TENM4: variants seen among roughly 807,000 people sequenced by gnomAD.
TENM4 encodes teneurin transmembrane protein 4, also known as teneurin-4.
A neutral mutation model predicts 243.3 loss-of-function variants in TENM4; 82 were observed. That is an observed-to-expected ratio of 0.34 (90% CI 0.28 to 0.40). The LOEUF is 0.40. Ranked by LOEUF, TENM4 falls within the 10% of genes least tolerant of loss-of-function variation. TENM4 has a pLI of 1.00. For missense variants in TENM4, 3,138 were observed against 3,673.3 expected (o/e 0.85, Z 3.77); for synonymous variants, 1,412 against 1,456.3 (o/e 0.97, Z 0.69).
chr11:78,871,261 G>A (rs766758488), intron 9 of TENM4, among the ~76,000 whole-genome samples: 1 of 152,212 alleles, frequency 6.6e-6, no homozygotes, highest in Non-Finnish European at 1.5e-5. Context: ...AGCTTTGAGA[G>A]TTGTGGAGAT....
chr11:79,347,590 G>A (rs1857346114), intron 1 of TENM4, among the ~76,000 whole-genome samples: 1 of 151,998 alleles, frequency 6.6e-6, no homozygotes, highest in Non-Finnish European at 1.5e-5. Context: ...GTAGGGCCCC[G>A]CAGACAGCCA....
At chr11:79,057,746 C>G (rs1403155514) in intron 6 of TENM4, among the ~76,000 whole-genome samples, 1 of 152,186 alleles carries the variant, frequency 6.6e-6, no homozygotes, top group Admixed American at 6.5e-5. Flanking sequence ...TGTGGAATGA[C>G]AGACAATCCA....
chr11:79,413,413 T>C (rs1054161153), intron 1 of TENM4, among the ~76,000 whole-genome samples: 2 of 152,210 alleles, frequency 1.3e-5, no homozygotes, highest in African/African-American at 4.8e-5. Flanking sequence ...AGCTCTGCCT[T>C]TCCCTTTCCC....
At chr11:78,687,597 A>C (rs992064754) in intron 29 of TENM4, among the ~76,000 whole-genome samples, 6 of 152,216 alleles carry the variant, frequency 3.9e-5, no homozygotes, top group Non-Finnish European at 7.3e-5. Context: ...GATTTGACAA[A>C]TGCAAAGAAG....
At chr11:78,868,137 T>C (rs2725808) in intron 9 of TENM4, among the ~76,000 whole-genome samples, 145,368 of 151,028 alleles carry the variant, frequency 0.96, 70,111 homozygotes, top group Middle Eastern at 1. Flanking sequence ...AAGGATAGAC[T>C]GGGCCACTGA....
chr11:79,340,914 G>A (rs561152303), intron 1 of TENM4, among the ~76,000 whole-genome samples: 14 of 152,316 alleles, frequency 9.2e-5, no homozygotes, highest in African/African-American at 3.4e-4. Context: ...AAAAGGGACT[G>A]TGCAGAGGTG....
chr11:79,211,719 T>C (rs1565251947), intron 3 of TENM4, among the ~76,000 whole-genome samples: 1 of 152,252 alleles, frequency 6.6e-6, no homozygotes, highest in Non-Finnish European at 1.5e-5. Context: ...AAATAAGTGA[T>C]AAATGACAAT....
At chr11:78,891,864 G>GA (rs559230200) in intron 7 of TENM4, among the ~76,000 whole-genome samples, 2 of 149,968 alleles carry the variant, frequency 1.3e-5, no homozygotes, top group Admixed American at 6.6e-5. Flanking sequence ...CTAGTCCAAA[G>GA]AAAAAAAAAA....
intron 4 of TENM4, among the ~76,000 whole-genome samples, chr11:79,144,312 C>A (rs561702365): frequency 8.6e-5 from 13 of 151,726 alleles, no homozygotes; most frequent in Admixed American, 2.0e-4. Flanking sequence ...TGAATGCTGG[C>A]GAGGAGGTGG....
chr11:79,336,985 C>A (rs1483076090), intron 1 of TENM4, among the ~76,000 whole-genome samples: 5 of 152,204 alleles, frequency 3.3e-5, no homozygotes, highest in Admixed American at 2.6e-4. Flanking sequence ...ACATTCAAGG[C>A]ACAGTCTCCC....
intron 29 of TENM4, among the ~76,000 whole-genome samples, chr11:78,681,906 C>T (rs1270000202): frequency 6.6e-5 from 2 of 30,238 alleles, no homozygotes; most frequent in African/African-American, 2.3e-4. Flanking sequence ...GATTTTGCAG[C>T]GGCTGGTACC....
At chr11:78,795,344 C>T (rs1857140106) in intron 15 of TENM4, among the ~76,000 whole-genome samples, 1 of 152,170 alleles carries the variant, frequency 6.6e-6, no homozygotes, top group Admixed American at 6.5e-5. Context: ...TTGCCAGATT[C>T]CAGTGGTACA....
At chr11:79,272,589 G>A (rs1297126878) in intron 2 of TENM4, among the ~76,000 whole-genome samples, 2 of 152,096 alleles carry the variant, frequency 1.3e-5, no homozygotes, top group African/African-American at 4.8e-5. Context: ...ACATGTGGCT[G>A]TTGGCTACCA....
At chr11:78,928,279 T>C (rs1565130042) in intron 6 of TENM4, among the ~76,000 whole-genome samples, 1 of 152,174 alleles carries the variant, frequency 6.6e-6, no homozygotes. Context: ...CCTACCCAGC[T>C]TGCTGGAAAG....
chr11:79,183,405 G>T (rs538060345), intron 3 of TENM4, among the ~76,000 whole-genome samples: 7 of 152,142 alleles, frequency 4.6e-5, no homozygotes, highest in South Asian at 2.1e-4. Flanking sequence ...AGGGAGGAAG[G>T]ATGAATAGGC....
Position 78,701,449 on chromosome 11 carries a change from T to C in TENM4, c.5087+77A>G, listed in dbSNP as rs61147769. 2,736 of 1,450,952 alleles carry C rather than the reference T, an allele frequency of 1.9e-3. 26 individuals carry two copies. The African/African-American group carries it at 0.031, about 16-fold the overall frequency. 89.9% of individuals were successfully genotyped at this position (1,450,952 alleles called of 1,614,324 possible). ...TCCCAAATCCTGAATTAAAATAAAATACTCGATCAATTTACCTCCAATCCT... is the reference window on the plus strand; with the variant it reads ...TCCCAAATCCTGAATTAAAATAAAACACTCGATCAATTTACCTCCAATCCT... On this transcript the variant is annotated intron_variant, in intron 28 of 33. Transcript: ENST00000278550.
chr11:79,016,416 G>A (rs1032026633), intron 6 of TENM4, among the ~76,000 whole-genome samples: 8 of 152,158 alleles, frequency 5.3e-5, no homozygotes, highest in South Asian at 2.1e-4. Flanking sequence ...CGAGTGGGTA[G>A]ATCACTCCAT....
chr11:79,050,798 T>C (rs1474360430), intron 6 of TENM4, among the ~76,000 whole-genome samples: 1 of 152,200 alleles, frequency 6.6e-6, no homozygotes, highest in Non-Finnish European at 1.5e-5. Context: ...TTTGGCTATT[T>C]ATTTGAGGGA....
intron 2 of TENM4, among the ~76,000 whole-genome samples, chr11:79,270,782 G>C (rs549198): frequency 6.6e-6 from 1 of 152,096 alleles, no homozygotes; most frequent in South Asian, 2.1e-4. Context: ...CTGCCTCTCT[G>C]TGTTTCCCTT....
Sources: gnomAD v4.1 joint callset for allele counts (sites outside exome capture counted in the v4.1 genomes callset) on GRCh38, gnomAD v4.1.1 for gene constraint, MANE v1.5 for transcripts, NCBI Gene and HGNC (gene_info 2026-07-23, HGNC 2026-07-21) for gene names.